LRIG1: variants seen among roughly 807,000 people sequenced by gnomAD.
The protein encoded by LRIG1 is leucine rich repeats and immunoglobulin like domains 1.
A neutral mutation model predicts 99.2 loss-of-function variants in LRIG1; 48 were observed. The ratio of observed to expected loss-of-function variants is 0.48; its 90% CI spans 0.38 to 0.62. LRIG1 has a LOEUF of 0.62. Among genes scored for constraint, LRIG1 ranks in the 20% least tolerant of loss-of-function variants. The pLI, the probability that LRIG1 is intolerant of heterozygous loss-of-function variation, is 0.00. For missense variants in LRIG1, 1,646 were observed against 1,434.4 expected, an observed-to-expected ratio of 1.15 and a Z score of -2.38; for synonymous variants, 772 against 596.1, an observed-to-expected ratio of 1.29 and a Z score of -4.30.
intron 3 of LRIG1, among the ~76,000 whole-genome samples, chr3:66,441,683 C>T (rs2106778685): frequency 6.6e-6 from 1 of 152,298 alleles, no homozygotes; most frequent in Non-Finnish European, 1.5e-5. Context: ...AGAGTATCAT[C>T]GAAGCCTCTG....
In LRIG1 at chr3:66,380,486, TCCCCTACAAGGAAAGAACGAA is replaced by T; in HGVS notation, c.3056-18_3058del. On this transcript the variant is annotated splice_acceptor_variant and splice_polypyrimidine_tract_variant and coding_sequence_variant and intron_variant, in exon 19 of 19. Coordinates refer to ENST00000273261, the MANE Select transcript of LRIG1 (RefSeq NM_015541.3). LOFTEE classifies it high-confidence loss of function. The stretch of plus-strand genomic sequence containing the variant: ...CAACCTTGCTAAAGTCCAGGAAGAA[TCCCCTACAAGGAAAGAACGAA>T]CCTGTCAGACCCCCACTTGACCGTT... 1.9e-6 allele frequency: 3 copies of T among 1,614,030 alleles called. No homozygotes were observed. Among genetic ancestry groups the T allele is most frequent in the Non-Finnish European group, 2.5e-6 (3 of 1,179,994 alleles).
At chr3:66,443,339 A>ATGAGTGAGGGGCGGGGGG (rs1703608706) in intron 3 of LRIG1, among the ~76,000 whole-genome samples, 2 of 34,816 alleles carry the variant, frequency 5.7e-5, no homozygotes, top group African/African-American at 2.0e-4. Flanking sequence ...GGGGCGGGGG[A>ATGAGTGAGGGGCGGGGGG]TGAGTGAGGG....
rs139146895 is a variant in LRIG1 at position 66,383,216 on chromosome 3, C to T, written c.2257G>A (p.Val753Met). 274 of 1,614,246 alleles carry T rather than the reference C, an allele frequency of 1.7e-4. No homozygotes were observed. The highest frequency in any genetic ancestry group is 1.1e-4 in the Non-Finnish European group (132 of 1,180,050). ...PDNQLLVVQN[V>M]VAEDAGRYTC... is the part of the protein sequence containing the mutation. ...TATCGGCCCGCATCCTCTGCCACCA[C>T]GTTCTGAACCACCAGGAGCTGGTTG... Residue 753 changes from valine to methionine, a missense_variant, in exon 15 of 19, where the codon GTG (valine) becomes ATG (methionine). Physicochemically the swap from Val to Met is conservative, Grantham distance 21 (BLOSUM62 1). Transcript: ENST00000273261.
At chr3:66,385,298 G>A (rs1232341497) in intron 13 of LRIG1, among the ~76,000 whole-genome samples, 2 of 152,216 alleles carry the variant, frequency 1.3e-5, no homozygotes, top group Non-Finnish European at 2.9e-5. Flanking sequence ...TGGAGCAGTA[G>A]CTAGCCTCTG....
intron 7 of LRIG1, among the ~76,000 whole-genome samples, chr3:66,409,287 T>C (rs998895707): frequency 1.3e-5 from 2 of 152,134 alleles, no homozygotes; most frequent in Non-Finnish European, 2.9e-5. Flanking sequence ...GAAAGAACAG[T>C]GAAAACACAA....
intron 3 of LRIG1, 147 bp downstream of exon 3, chr3:66,451,412 G>T: frequency 1.6e-6 from 1 of 636,948 alleles, no homozygotes. Flanking sequence ...CAAAGCGTTT[G>T]TCATGATCAT....
chr3:66,493,723 G>A (rs1386614842), intron 1 of LRIG1, among the ~76,000 whole-genome samples: 2 of 151,996 alleles, frequency 1.3e-5, no homozygotes, highest in Non-Finnish European at 2.9e-5. Context: ...TTGAGCCCAC[G>A]AGGCTGAGGC....
chr3:66,451,704 A>C, intron 2 of LRIG1, 71 bp from the exon 3 acceptor site: 2 of 1,141,380 alleles, frequency 1.8e-6, no homozygotes, highest in East Asian at 4.8e-5. Context: ...ATACAACAGA[A>C]ATAAACAAAC....
At chr3:66,392,958 G>T (rs1701683933) in intron 12 of LRIG1, among the ~76,000 whole-genome samples, 1 of 152,212 alleles carries the variant, frequency 6.6e-6, no homozygotes, top group Non-Finnish European at 1.5e-5. Context: ...AGTTTGGAGA[G>T]CTGCTGCCAT....
chr3:66,382,507 C>A, intron 15 of LRIG1, 109 bp from the exon 16 acceptor site: 1 of 1,285,454 alleles, frequency 7.8e-7, no homozygotes, highest in Non-Finnish European at 1.1e-6. Flanking sequence ...CGACCATCAG[C>A]GCTGTGCAGA....
chr3:66,394,590 C>CAGGA (rs1366916704), intron 11 of LRIG1, among the ~76,000 whole-genome samples: 58 of 152,322 alleles, frequency 3.8e-4, no homozygotes, highest in African/African-American at 1.3e-3. Flanking sequence ...CTCTCCTGAC[C>CAGGA]TCTGATACAT....
At chr3:66,420,043 C>T (rs1389355725) in intron 3 of LRIG1, among the ~76,000 whole-genome samples, 1 of 152,116 alleles carries the variant, frequency 6.6e-6, no homozygotes, top group Admixed American at 6.5e-5. Flanking sequence ...AAAATATATG[C>T]AAATCACATT....
At chr3:66,489,690 G>A (rs1209196417) in intron 1 of LRIG1, among the ~76,000 whole-genome samples, 1 of 152,094 alleles carries the variant, frequency 6.6e-6, no homozygotes, top group Non-Finnish European at 1.5e-5. Context: ...AAAATGAGGG[G>A]TCTTAGAAAT....
intron 1 of LRIG1, among the ~76,000 whole-genome samples, chr3:66,478,950 C>T (rs771820252): frequency 2.0e-4 from 31 of 152,300 alleles, no homozygotes; most frequent in African/African-American, 7.2e-4. Flanking sequence ...CTAAAGGAAA[C>T]CACTGCAGGC....
chr3:66,402,649 C>T (rs1407439580), intron 9 of LRIG1, among the ~76,000 whole-genome samples: 1 of 152,204 alleles, frequency 6.6e-6, no homozygotes, highest in Non-Finnish European at 1.5e-5. Flanking sequence ...GCTCCTTGAG[C>T]TCTCCAAAAA....
intron 2 of LRIG1, among the ~76,000 whole-genome samples, chr3:66,457,461 ACATT>A (rs536782768): frequency 2.2e-4 from 33 of 152,262 alleles, no homozygotes; most frequent in African/African-American, 7.7e-4. Flanking sequence ...CAATGGTAAG[ACATT>A]CAACCAGTCA....
At chr3:66,438,705 C>T (rs1305758685) in intron 3 of LRIG1, among the ~76,000 whole-genome samples, 1 of 152,172 alleles carries the variant, frequency 6.6e-6, no homozygotes, top group Non-Finnish European at 1.5e-5. Flanking sequence ...GAGGGCTTCC[C>T]CTGCAGCAGA....
intron 3 of LRIG1, among the ~76,000 whole-genome samples, chr3:66,434,806 A>T (rs1703297009): frequency 6.6e-6 from 1 of 151,968 alleles, no homozygotes; most frequent in Admixed American, 6.6e-5. Context: ...TAATGTGGAG[A>T]AACGGAATTG....
chr3:66,414,337 C>T (rs1290249778), intron 5 of LRIG1, among the ~76,000 whole-genome samples: 1 of 151,926 alleles, frequency 6.6e-6, no homozygotes, highest in Non-Finnish European at 1.5e-5. Context: ...GCGGAGCTTG[C>T]AGTGAGCTGA....
Sources: gnomAD v4.1 joint callset for allele counts (sites outside exome capture counted in the v4.1 genomes callset) on GRCh38, gnomAD v4.1.1 for gene constraint, MANE v1.5 for transcripts, NCBI Gene and HGNC (gene_info 2026-07-23, HGNC 2026-07-21) for gene names.